SSBP3: variants seen among roughly 807,000 people sequenced by gnomAD.
SSBP3 encodes the protein single stranded DNA binding protein 3.
Under a neutral mutation model 69.6 loss-of-function variants are expected in SSBP3, and 5 were observed. That is an observed-to-expected ratio of 0.07 (90% CI 0.04 to 0.15). SSBP3 has a LOEUF of 0.15. SSBP3 is among the 10% of genes least tolerant of loss of function. SSBP3 has a pLI of 1.00. For missense variants in SSBP3, 312 were observed against 534.0 expected, an observed-to-expected ratio of 0.58 and a Z score of 4.10; for synonymous variants, 196 against 193.4, an observed-to-expected ratio of 1.01 and a Z score of -0.11.
chr1:54,320,842 C>T (rs1646199265), intron 4 of SSBP3, among the ~76,000 whole-genome samples: 1 of 152,178 alleles, frequency 6.6e-6, no homozygotes, highest in Admixed American at 6.5e-5. Context: ...GCAACTAGAA[C>T]AGTGCCTGGC....
chr1:54,331,837 T>C (rs1421444453), intron 4 of SSBP3, among the ~76,000 whole-genome samples: 1 of 152,214 alleles, frequency 6.6e-6, no homozygotes, highest in African/African-American at 2.4e-5. Flanking sequence ...AAGGCAACTG[T>C]TCTCTGGTGA....
chr1:54,300,438 G>A (rs1302161076), intron 4 of SSBP3, among the ~76,000 whole-genome samples: 1 of 152,126 alleles, frequency 6.6e-6, no homozygotes, highest in Non-Finnish European at 1.5e-5. Flanking sequence ...TGTGCAGAAC[G>A]ACCAAGAATG....
At chr1:54,282,215 C>G (rs1016564526) in intron 4 of SSBP3, among the ~76,000 whole-genome samples, 11 of 152,356 alleles carry the variant, frequency 7.2e-5, no homozygotes, top group Non-Finnish European at 1.3e-4. Flanking sequence ...TGGGCCGTGT[C>G]TGCCCAGCTA....
In SSBP3 at chr1:54,316,647, CAA is replaced by C. The variant is rs1199647407; in HGVS notation, c.277-35122_277-35121del. On this transcript the variant is annotated intron_variant, in intron 4 of 17. Transcript: ENST00000610401. The stretch of plus-strand genomic sequence containing the variant: ...TGGGCGACAGAGCGAGACTCCGTCT[CAA>C]AAAAAAAAAATAAAATAAATAAATA... Among the ~76,000 whole-genome samples, 62 of 34,048 alleles carry C rather than the reference CAA, an allele frequency of 1.8e-3. 1 individual carries two copies. The highest frequency in any genetic ancestry group is 4.7e-3 in the Admixed American group (11 of 2,352). 22.3% of individuals were successfully genotyped at this position (34,048 alleles called of 152,430 possible). A position where few individuals can be genotyped will look rare whatever the true frequency, so the allele number is the denominator to read the frequency against.
chr1:54,259,160 A>AC (rs1212232442), intron 5 of SSBP3, among the ~76,000 whole-genome samples: 1 of 144,154 alleles, frequency 6.9e-6, no homozygotes, highest in East Asian at 2.1e-4. Context: ...GCTGACCTCG[A>AC]CCCCCCTACC....
chr1:54,291,403 G>A (rs1409537938), intron 4 of SSBP3, among the ~76,000 whole-genome samples: 3 of 152,102 alleles, frequency 2.0e-5, no homozygotes, highest in Non-Finnish European at 2.9e-5. Flanking sequence ...ATGAACAGTC[G>A]GGAGCCCTTG....
chr1:54,261,933 G>A (rs1471588150), intron 5 of SSBP3, among the ~76,000 whole-genome samples: 2 of 152,130 alleles, frequency 1.3e-5, no homozygotes, highest in Admixed American at 6.5e-5. Flanking sequence ...TTGCAGGGGA[G>A]GAGAAAAGAG....
At chr1:54,362,134 G>A (rs1178609371) in intron 4 of SSBP3, among the ~76,000 whole-genome samples, 1 of 152,150 alleles carries the variant, frequency 6.6e-6, no homozygotes, top group Admixed American at 6.5e-5. Flanking sequence ...ACAAGCGTAG[G>A]AGACCACAAA....
At chr1:54,233,825 G>C (rs1004073479) in intron 14 of SSBP3, among the ~76,000 whole-genome samples, 20 of 152,226 alleles carry the variant, frequency 1.3e-4, no homozygotes, top group African/African-American at 4.8e-4. Flanking sequence ...GCCTCTGCCC[G>C]GCCACCACCC....
chr1:54,322,126 A>C (rs1488728045), intron 4 of SSBP3, among the ~76,000 whole-genome samples: 3 of 152,172 alleles, frequency 2.0e-5, no homozygotes, highest in African/African-American at 7.2e-5. Flanking sequence ...ACACCACTGT[A>C]CAAGAAGGAT....
At chr1:54,391,844 C>T (rs1648519184) in intron 4 of SSBP3, among the ~76,000 whole-genome samples, 1 of 152,166 alleles carries the variant, frequency 6.6e-6, no homozygotes, top group Admixed American at 6.5e-5. Flanking sequence ...AAGCCCTGTT[C>T]AGACGCAAGC....
intron 3 of SSBP3, among the ~76,000 whole-genome samples, chr1:54,402,411 A>T (rs1018835657): frequency 1.3e-5 from 2 of 152,200 alleles, no homozygotes; most frequent in Admixed American, 1.3e-4. Flanking sequence ...TCAAGTGCCA[A>T]AGTCAGAACA....
At chr1:54,301,843 C>A (rs1390004666) in intron 4 of SSBP3, among the ~76,000 whole-genome samples, 3 of 152,220 alleles carry the variant, frequency 2.0e-5, no homozygotes, top group Non-Finnish European at 4.4e-5. Flanking sequence ...CCGGGGCCAC[C>A]CCTGCTCCCA....
intron 3 of SSBP3, among the ~76,000 whole-genome samples, chr1:54,404,327 AAAGT>A (rs1437131265): frequency 1.3e-5 from 2 of 152,190 alleles, no homozygotes; most frequent in Non-Finnish European, 2.9e-5. Context: ...GTGAAATGTA[AAAGT>A]AAGGAGTTTC....
intron 14 of SSBP3, 38 bp downstream of exon 14, chr1:54,239,091 T>A (rs768171576): frequency 6.5e-7 from 1 of 1,543,276 alleles, no homozygotes; most frequent in Non-Finnish European, 9.0e-7. Context: ...TGATTTGTTA[T>A]GGTGTCTGAT....
At chr1:54,394,249 G>A (rs997415878) in intron 4 of SSBP3, among the ~76,000 whole-genome samples, 1 of 152,148 alleles carries the variant, frequency 6.6e-6, no homozygotes, top group Non-Finnish European at 1.5e-5. Context: ...TTCCCTCTGC[G>A]CATGTTTCTT....
chr1:54,291,430 G>A (rs558520714), intron 4 of SSBP3, among the ~76,000 whole-genome samples: 5 of 152,268 alleles, frequency 3.3e-5, no homozygotes, highest in African/African-American at 1.2e-4. Context: ...TTGGCCAGGA[G>A]GGAAGGCAGT....
intron 5 of SSBP3, among the ~76,000 whole-genome samples, chr1:54,270,375 G>C (rs1645172197): frequency 6.6e-6 from 1 of 152,186 alleles, no homozygotes; most frequent in Admixed American, 6.5e-5. Flanking sequence ...GGCAGCTCCT[G>C]TGCGGTGGAG....
intron 4 of SSBP3, among the ~76,000 whole-genome samples, chr1:54,295,894 C>T (rs1341517880): frequency 6.6e-6 from 1 of 152,200 alleles, no homozygotes; most frequent in Admixed American, 6.5e-5. Flanking sequence ...ATTCACCCTC[C>T]AATCCTATAT....
Sources: allele counts gnomAD v4.1 joint callset (sites outside exome capture counted in the v4.1 genomes callset), GRCh38; gene constraint gnomAD v4.1.1; transcripts MANE v1.5; gene names NCBI Gene and HGNC (gene_info 2026-07-23, HGNC 2026-07-21).